BTBD7: variants seen among roughly 807,000 people sequenced by gnomAD.
BTBD7 encodes the protein BTB/POZ domain-containing protein 7.
BTBD7 carries 38 observed loss-of-function variants against 99.9 expected under a neutral mutation model. The ratio of observed to expected loss-of-function variants is 0.38; its 90% CI spans 0.29 to 0.50. BTBD7 has a LOEUF of 0.50. Among genes scored for constraint, BTBD7 ranks in the 20% least tolerant of loss-of-function variants. The pLI, the probability that BTBD7 is intolerant of heterozygous loss-of-function variation, is 0.93. For synonymous variants in BTBD7, 520 were observed against 511.4 expected, an observed-to-expected ratio of 1.02 and a Z score of -0.23; for missense variants, 1,170 against 1,394.6, an observed-to-expected ratio of 0.84 and a Z score of 2.57.
At chr14:93,261,420 CTGATA>C (rs1346421491) in intron 5 of BTBD7, among the ~76,000 whole-genome samples, 177 bp downstream of exon 5, 1 of 152,164 alleles carries the variant, frequency 6.6e-6, no homozygotes, top group Non-Finnish European at 1.5e-5. Context: ...ATAAGACTTT[CTGATA>C]TATTTATTTT....
chr14:93,312,661 C>G (rs972169266), intron 1 of BTBD7, among the ~76,000 whole-genome samples: 1 of 152,084 alleles, frequency 6.6e-6, no homozygotes, highest in African/African-American at 2.4e-5. Flanking sequence ...ACTGAGGCTC[C>G]AAGTTTTGGG....
intron 3 of BTBD7, among the ~76,000 whole-genome samples, chr14:93,279,867 C>A (rs148498566): frequency 1.3e-5 from 2 of 152,234 alleles, no homozygotes; most frequent in African/African-American, 4.8e-5. Flanking sequence ...AATTCTATAC[C>A]AAGGGGCTTA....
chr14:93,324,320 G>C (rs931103544), intron 1 of BTBD7, among the ~76,000 whole-genome samples: 2 of 151,852 alleles, frequency 1.3e-5, no homozygotes, highest in Non-Finnish European at 2.9e-5. Flanking sequence ...CTTCTCAGAA[G>C]CCTGAAGCAG....
intron 9 of BTBD7, among the ~76,000 whole-genome samples, chr14:93,247,951 G>A (rs1202503768): frequency 6.6e-6 from 1 of 152,134 alleles, no homozygotes; most frequent in South Asian, 2.1e-4. Context: ...AAACAGAAAC[G>A]AAAGTGGGCA....
intron 3 of BTBD7, among the ~76,000 whole-genome samples, chr14:93,276,488 G>T (rs1023734192): frequency 1.3e-5 from 2 of 152,082 alleles, no homozygotes; most frequent in Non-Finnish European, 2.9e-5. Context: ...CCGTGTGAAT[G>T]TATTACCTAT....
Position 93,245,880 on chromosome 14 carries a change from G to A in BTBD7, c.2528C>T (p.Ala843Val). Reference protein sequence around the residue: ...LGRQTVAAAAATTTSTATAAA... With the variant: ...LGRQTVAAAAVTTTSTATAAA... ...TGCTGTTGCTGTTGAGGTGGTGGTG[G>A]CGGCAGCAGCAGCCACCGTCTGTCT... Residue 843 changes from alanine (A) to valine (V), a missense_variant, in exon 10 of 11, where the codon GCC becomes GTC. Ala to Val is a moderately conservative substitution (Grantham distance 64, BLOSUM62 0). This residue lies in a region of BTBD7 where 495 missense variants were observed against 525.9 expected (regional missense o/e 0.94). Coordinates refer to ENST00000334746, the MANE Select transcript of BTBD7 (RefSeq NM_001002860.4). 1 of 1,612,826 alleles carries A rather than the reference G, an allele frequency of 6.2e-7. No homozygotes were observed. Among genetic ancestry groups the A allele is most frequent in the Non-Finnish European group, 8.5e-7 (1 of 1,179,710 alleles).
chr14:93,331,444 T>C (rs1317888760), intron 1 of BTBD7, among the ~76,000 whole-genome samples: 2 of 152,208 alleles, frequency 1.3e-5, no homozygotes, highest in Non-Finnish European at 2.9e-5. Flanking sequence ...GACTCCAAAA[T>C]TCCATGACAA....
intron 1 of BTBD7, among the ~76,000 whole-genome samples, chr14:93,325,873 T>C (rs140818260): frequency 2.9e-4 from 44 of 152,344 alleles, no homozygotes; most frequent in African/African-American, 1.0e-3. Flanking sequence ...CCCATCTATT[T>C]CAATCTTAAC....
chr14:93,282,147 G>C (rs1014033206), intron 3 of BTBD7, among the ~76,000 whole-genome samples: 6 of 152,172 alleles, frequency 3.9e-5, no homozygotes, highest in African/African-American at 1.4e-4. Flanking sequence ...TAAAGATTAA[G>C]TGAGGTATTC....
chr14:93,328,611 TAAAAAAAAA>T (rs57161505), intron 1 of BTBD7, among the ~76,000 whole-genome samples: 4 of 101,872 alleles, frequency 3.9e-5, no homozygotes, highest in Admixed American at 2.4e-4. Context: ...TAAAATTCTT[TAAAAAAAAA>T]AAAAAAAAAA....
At chr14:93,243,161 T>C (rs2052257515) in intron 10 of BTBD7, 73 bp from the exon 11 acceptor site, 2 of 1,357,364 alleles carry the variant, frequency 1.5e-6, no homozygotes, top group Admixed American at 4.6e-5. Flanking sequence ...TGTTCACTGA[T>C]TTTGTTTCCC....
At position 93,251,665 on chromosome 14, in the gene BTBD7, T is replaced by C. The variant is rs766175204; in HGVS notation, c.1753-13A>G. ...CATCTAGCACTGACTGAAATAATCA[T>C]TCAGTATTAACAAAACCAGTCAACC... On this transcript the variant is annotated splice_polypyrimidine_tract_variant and intron_variant, in intron 7 of 10. Transcript: ENST00000334746. The C allele has an allele frequency of 1.7e-5, 27 of 1,560,146 alleles. No individual in the cohort carries two copies. Among genetic ancestry groups the C allele is most frequent in the Non-Finnish European group, 2.4e-5 (27 of 1,143,316 alleles).
rs1453559775 is a variant in BTBD7 at position 93,238,671 on chromosome 14, T to C, written c.*3602A>G. The C allele has an allele frequency of 6.6e-6, 1 of 152,264 alleles. No homozygotes were observed. The highest frequency in any genetic ancestry group is 1.5e-5 in the Non-Finnish European group (1 of 68,046). 9.4% of individuals were successfully genotyped at this position (152,264 alleles called of 1,614,324 possible). A position where few individuals can be genotyped will look rare whatever the true frequency, so the allele number is the denominator to read the frequency against. The stretch of plus-strand genomic sequence containing the variant: ...GTTTTCCTAAAAGGCAAATTCAACA[T>C]TATGAAAATATATATTTTGCCGGGT... On this transcript the variant is annotated 3_prime_UTR_variant, in exon 11 of 11. Coordinates refer to ENST00000334746, the MANE Select transcript of BTBD7 (RefSeq NM_001002860.4).
rs1277589294 is a variant in BTBD7 at position 93,238,514 on chromosome 14, C to T, written c.*3759G>A. The T allele has an allele frequency of 6.6e-6, 1 of 152,536 alleles. No individual in the cohort carries two copies. Among genetic ancestry groups the T allele is most frequent in the African/African-American group, 2.4e-5 (1 of 41,416 alleles). 9.4% of individuals were successfully genotyped at this position (152,536 alleles called of 1,614,324 possible). ...ACCCATCACTGCTGCTTTGTCACTC[C>T]AGAAAGCTGAAAGTCAACCGAACAA... On this transcript the variant is annotated 3_prime_UTR_variant, in exon 11 of 11. Transcript: ENST00000334746.
At chr14:93,325,435 T>A (rs2053319696) in intron 1 of BTBD7, among the ~76,000 whole-genome samples, 1 of 151,756 alleles carries the variant, frequency 6.6e-6, no homozygotes, top group Non-Finnish European at 1.5e-5. Context: ...GCCTGTTTTT[T>A]AAGAACATAA....
At chr14:93,247,530 C>G (rs995554723) in intron 9 of BTBD7, among the ~76,000 whole-genome samples, 4 of 152,120 alleles carry the variant, frequency 2.6e-5, no homozygotes, top group Non-Finnish European at 4.4e-5. Context: ...ATTTTTAGTA[C>G]AGACAGGGTT....
intron 1 of BTBD7, among the ~76,000 whole-genome samples, chr14:93,297,865 C>G (rs1480369893): frequency 1.3e-5 from 2 of 152,048 alleles, no homozygotes; most frequent in Non-Finnish European, 2.9e-5. Context: ...CAGAATAAAA[C>G]TATCATGTAA....
intron 3 of BTBD7, among the ~76,000 whole-genome samples, chr14:93,276,115 C>T (rs146031012): frequency 1.1e-3 from 165 of 152,236 alleles, no homozygotes; most frequent in African/African-American, 3.8e-3. Context: ...ACTTGGGAGG[C>T]TGAGGTGGGA....
chr14:93,302,144 G>C (rs556584903), intron 1 of BTBD7, among the ~76,000 whole-genome samples: 3 of 152,312 alleles, frequency 2.0e-5, no homozygotes, highest in African/African-American at 7.2e-5. Flanking sequence ...TTCCAGAGGT[G>C]AGACACTCAA....
Sources: allele counts gnomAD v4.1 joint callset (sites outside exome capture counted in the v4.1 genomes callset), GRCh38; gene constraint gnomAD v4.1.1; regional missense constraint gnomAD v4.1.1; transcripts MANE v1.5; gene names NCBI Gene and HGNC (gene_info 2026-07-23, HGNC 2026-07-21).